Variants in ARL5B observed in about 807,000 individuals in gnomAD.
The protein encoded by ARL5B is ADP-ribosylation factor-like protein 5B.
A neutral mutation model predicts 26.9 loss-of-function variants in ARL5B; 10 were observed. The observed-to-expected ratio is 0.37, with a 90% confidence interval of 0.23 to 0.63. The LOEUF (loss-of-function observed/expected upper bound fraction) is 0.63. ARL5B is among the 30% of genes least tolerant of loss of function. The pLI is 0.62. For missense variants in ARL5B, 167 were observed against 213.9 expected, an observed-to-expected ratio of 0.78 and a Z score of 1.37; for synonymous variants, 87 against 70.4, an observed-to-expected ratio of 1.24 and a Z score of -1.18.
chr10:18,679,143 G>A lies in ARL5B; in HGVS notation c.*3927G>A, dbSNP rs923307800. The A allele has an allele frequency of 2.0e-5, 3 of 151,810 alleles. No homozygotes were observed. Among genetic ancestry groups the A allele is most frequent in the Non-Finnish European group, 4.4e-5 (3 of 67,776 alleles). The allele number at this position is 151,810 out of a possible 1,614,324, so 9.4% of individuals were successfully genotyped here. On this transcript the variant is annotated 3_prime_UTR_variant, in exon 6 of 6. Transcript: ENST00000377275. ...AACTGCTATTCAACTTAAATTCAGC[G>A]AATTAATAGCTGAATAGAAATAGCT...
In ARL5B at chr10:18,677,031, G is replaced by T. The variant is rs12098599; in HGVS notation, c.*1815G>T. The T allele has an allele frequency of 0.21, 31,530 of 151,964 alleles. 3,575 individuals carry two copies. Among genetic ancestry groups the T allele is most frequent in the South Asian group, 0.31 (1,498 of 4,820 alleles). 9.4% of individuals were successfully genotyped at this position (151,964 alleles called of 1,614,324 possible). A position where few individuals can be genotyped will look rare whatever the true frequency, so the allele number is the denominator to read the frequency against. Reference sequence around the variant, plus strand: ...ACATAAATCGATATGGATGGTTTGTGGTGTGTGTGGGATGTGGGGGAATTA... The same window carrying T: ...ACATAAATCGATATGGATGGTTTGTTGTGTGTGTGGGATGTGGGGGAATTA... On this transcript the variant is annotated 3_prime_UTR_variant, in exon 6 of 6. Coordinates refer to ENST00000377275, the MANE Select transcript of ARL5B (RefSeq NM_178815.5).
chr10:18,662,712 T>C (rs987024702), intron 1 of ARL5B, among the ~76,000 whole-genome samples: 5 of 151,778 alleles, frequency 3.3e-5, no homozygotes, highest in Non-Finnish European at 7.4e-5. Context: ...GTTTGTTTTT[T>C]TTTTTTAATG....
chr10:18,661,585 C>G (rs1039451708), intron 1 of ARL5B, among the ~76,000 whole-genome samples: 2 of 151,764 alleles, frequency 1.3e-5, no homozygotes, highest in African/African-American at 2.4e-5. Flanking sequence ...ATAGGAGATA[C>G]AAAATTAAAG....
chr10:18,673,670 A>G (rs907070995), intron 4 of ARL5B, among the ~76,000 whole-genome samples: 49 of 152,132 alleles, frequency 3.2e-4, no homozygotes, highest in Non-Finnish European at 5.6e-4. Flanking sequence ...TAAGTTTTGG[A>G]TAAACTCTAG....
At position 18,676,953 on chromosome 10, in the gene ARL5B, G is replaced by A. The variant is rs1013279016; in HGVS notation, c.*1737G>A. The A allele has an allele frequency of 6.6e-6, 1 of 152,318 alleles. No individual in the cohort carries two copies. Among genetic ancestry groups the A allele is most frequent in the Non-Finnish European group, 1.5e-5 (1 of 67,856 alleles). The allele number at this position is 152,318 out of a possible 1,614,324, so 9.4% of individuals were successfully genotyped here. On this transcript the variant is annotated 3_prime_UTR_variant, in exon 6 of 6. Transcript: ENST00000377275. ...CTGTATCAAGTAGAGGATAAGTGTA[G>A]TTTAACTTAGTTTTTAATATAACCC...
rs1477993212 is a variant in ARL5B at position 18,677,539 on chromosome 10, G to GT, written c.*2327dup. On this transcript the variant is annotated 3_prime_UTR_variant, in exon 6 of 6. Coordinates refer to ENST00000377275, the MANE Select transcript of ARL5B (RefSeq NM_178815.5). Reference sequence around the variant, plus strand: ...AAGACTTTTTAAGAGTATTTTTTAGGTTTTCACTCAATCTTTCCTGTCACA... The same window carrying GT: ...AAGACTTTTTAAGAGTATTTTTTAGGTTTTTCACTCAATCTTTCCTGTCACA... The GT allele has an allele frequency of 1.3e-5, 2 of 151,984 alleles. No individual in the cohort carries two copies. The highest frequency in any genetic ancestry group is 4.8e-5 in the African/African-American group (2 of 41,336). The allele number at this position is 151,984 out of a possible 1,614,324, so 9.4% of individuals were successfully genotyped here.
intron 3 of ARL5B, among the ~76,000 whole-genome samples, chr10:18,670,646 T>C (rs1046285364): frequency 6.6e-6 from 1 of 152,122 alleles, no homozygotes; most frequent in African/African-American, 2.4e-5. Flanking sequence ...ACAAATGACA[T>C]TGTAGCATAT....
intron 1 of ARL5B, among the ~76,000 whole-genome samples, chr10:18,664,012 G>A (rs1256040402): frequency 6.6e-6 from 1 of 151,768 alleles, no homozygotes; most frequent in East Asian, 1.9e-4. Flanking sequence ...GGAGTGCAGT[G>A]GTGCAATCTC....
chr10:18,668,565 T>C lies in ARL5B; in HGVS notation c.143T>C (p.Ile48Thr), dbSNP rs749993564. Residue 48 changes from isoleucine (I) to threonine (T), a missense_variant, in exon 3 of 6, where the codon ATA becomes ACA. Coordinates refer to ENST00000377275, the MANE Select transcript of ARL5B (RefSeq NM_178815.5). ...MNEVVHTSPT[I>T]GSNVEEIVVK... The stretch of plus-strand genomic sequence containing the variant: ...GAAGTGGTTCATACTTCTCCAACCA[T>C]AGGAAGCAATGTTGAAGAAATAGTT... The C allele has an allele frequency of 6.2e-7, 1 of 1,614,100 alleles. No individual in the cohort carries two copies.
Position 18,666,564 on chromosome 10 carries a change from T to C in ARL5B, c.47-11T>C. ...AGTGTTAAATGTTTATGATTTGCTT[T>C]CTTTTTGTAGAACACAAAGTAATTA... On this transcript the variant is annotated splice_polypyrimidine_tract_variant and intron_variant, in intron 1 of 5. Coordinates refer to ENST00000377275, the MANE Select transcript of ARL5B (RefSeq NM_178815.5). 1 of 1,600,704 alleles carries C rather than the reference T, an allele frequency of 6.2e-7. No homozygotes were observed. The highest frequency in any genetic ancestry group is 1.1e-5 in the South Asian group (1 of 88,124).
Position 18,679,496 on chromosome 10 carries a change from C to G in ARL5B, c.*4280C>G, listed in dbSNP as rs2059923835. ...GTTAGTTTTTCAGTAGCGTCTCCTC[C>G]TTATTCATTCACTTTTACTGTGAAG... On this transcript the variant is annotated 3_prime_UTR_variant, in exon 6 of 6. Transcript: ENST00000377275. 1 of 151,850 alleles carries G rather than the reference C, an allele frequency of 6.6e-6. No individual in the cohort carries two copies. The highest frequency in any genetic ancestry group is 6.6e-5 in the Admixed American group (1 of 15,228). 9.4% of individuals were successfully genotyped at this position (151,850 alleles called of 1,614,324 possible). A position where few individuals can be genotyped will look rare whatever the true frequency, so the allele number is the denominator to read the frequency against.
intron 4 of ARL5B, among the ~76,000 whole-genome samples, chr10:18,672,972 GTC>G (rs772865683): frequency 3.4e-4 from 51 of 152,134 alleles, no homozygotes; most frequent in Non-Finnish European, 7.1e-4. Flanking sequence ...GCCTTTAAAA[GTC>G]TGATAAATTG....
In ARL5B at chr10:18,675,474, A is replaced by T. The variant is rs1473932087; in HGVS notation, c.*258A>T. 1 of 412,278 alleles carries T rather than the reference A, an allele frequency of 2.4e-6. No individual in the cohort carries two copies. The highest frequency in any genetic ancestry group is 4.4e-6 in the Non-Finnish European group (1 of 226,034). 25.5% of individuals were successfully genotyped at this position (412,278 alleles called of 1,614,324 possible). A position where few individuals can be genotyped will look rare whatever the true frequency, so the allele number is the denominator to read the frequency against. ...AACAATTCTTCTGTTTATTCTAATT[A>T]ATCAGTGACTGCCTTGTAAGAAATG... On this transcript the variant is annotated 3_prime_UTR_variant, in exon 6 of 6. Coordinates refer to ENST00000377275, the MANE Select transcript of ARL5B (RefSeq NM_178815.5).
chr10:18,667,029 T>TGTCAA (rs10687570), intron 2 of ARL5B, among the ~76,000 whole-genome samples: 91,326 of 151,368 alleles, frequency 0.6, 27,940 homozygotes, highest in East Asian at 0.97. Context: ...TAGCCAGACT[T>TGTCAA]GTCAAAAGAA....
chr10:18,659,616 G>C lies in ARL5B; in HGVS notation c.-22G>C, dbSNP rs576323204. ...GCGGCACCTGCTGCCGAGGGACCCC[G>C]CGGCCCGCCCCGGTGCTCGTGATGG... On this transcript the variant is annotated 5_prime_UTR_variant, in exon 1 of 6. Transcript: ENST00000377275. 1 of 1,605,838 alleles carries C rather than the reference G, an allele frequency of 6.2e-7. No individual in the cohort carries two copies. Among genetic ancestry groups the C allele is most frequent in the African/African-American group, 1.4e-5 (1 of 73,844 alleles).
chr10:18,664,303 T>G (rs984693625), intron 1 of ARL5B, among the ~76,000 whole-genome samples: 1 of 151,894 alleles, frequency 6.6e-6, no homozygotes, highest in African/African-American at 2.4e-5. Context: ...CCCAGTTTGG[T>G]CTCAAACTCC....
intron 3 of ARL5B, among the ~76,000 whole-genome samples, chr10:18,669,297 G>A (rs150906877): frequency 6.6e-6 from 1 of 152,106 alleles, no homozygotes; most frequent in African/African-American, 2.4e-5. Flanking sequence ...GATCTGACAC[G>A]TGGAGATATT....
intron 4 of ARL5B, among the ~76,000 whole-genome samples, 189 bp downstream of exon 4, chr10:18,672,894 T>C (rs952604789): frequency 2.0e-5 from 3 of 152,194 alleles, no homozygotes; most frequent in African/African-American, 7.2e-5. Flanking sequence ...TAAAAAACCC[T>C]AACACATTAA....
chr10:18,665,209 G>A (rs776001559), intron 1 of ARL5B, among the ~76,000 whole-genome samples: 1 of 152,270 alleles, frequency 6.6e-6, no homozygotes, highest in Middle Eastern at 3.4e-3. Context: ...GCTTGGTGGT[G>A]TGCACCTGTG....
Sources: allele counts gnomAD v4.1 joint callset (sites outside exome capture counted in the v4.1 genomes callset), GRCh38; gene constraint gnomAD v4.1.1; transcripts MANE v1.5; gene names NCBI Gene and HGNC (gene_info 2026-07-23, HGNC 2026-07-21).